Variants in XPO4 observed in about 807,000 individuals in gnomAD.
XPO4 encodes the protein exportin-4.
XPO4 carries 39 observed loss-of-function variants against 143.0 expected under a neutral mutation model. That is an observed-to-expected ratio of 0.27 (90% CI 0.21 to 0.36). XPO4 has a LOEUF of 0.36. XPO4 is among the 10% of genes least tolerant of loss of function. XPO4 has a pLI of 1.00. For missense variants in XPO4, 907 were observed against 1,348.0 expected, an observed-to-expected ratio of 0.67 and a Z score of 5.12; for synonymous variants, 439 against 474.0, an observed-to-expected ratio of 0.93 and a Z score of 0.96.
chr13:20,885,354 T>C (rs1454095607), intron 1 of XPO4, among the ~76,000 whole-genome samples: 1 of 152,180 alleles, frequency 6.6e-6, no homozygotes, highest in Non-Finnish European at 1.5e-5. Context: ...ATGTTTACTG[T>C]GGTCAATAAG....
intron 21 of XPO4, 133 bp downstream of exon 21, chr13:20,787,348 C>T: frequency 2.4e-6 from 2 of 832,294 alleles, no homozygotes; most frequent in Non-Finnish European, 3.8e-6. Flanking sequence ...CAGAAAAAAA[C>T]AGTGAACAGG....
intron 9 of XPO4, among the ~76,000 whole-genome samples, chr13:20,815,657 C>T (rs1051607249): frequency 1.3e-5 from 2 of 152,172 alleles, no homozygotes; most frequent in African/African-American, 4.8e-5. Flanking sequence ...AGATTATCTT[C>T]ATATGTAAAC....
chr13:20,799,227 C>G lies in XPO4; in HGVS notation c.2260G>C (p.Ala754Pro). 6.2e-7 allele frequency: 1 copy of G among 1,613,472 alleles called. No individual in the cohort carries two copies. The change falls in exon 16 of 23, where the codon GCT (alanine) becomes CCT (proline). Residue 754 changes from alanine to proline, a missense_variant. Coordinates refer to ENST00000255305, the MANE Select transcript of XPO4 (RefSeq NM_022459.5). ...SSPVQRTLMK[A>P]LVLGGFAHMD... ...TGTGCAAAACCTCCTAAGACTAGAG[C>G]CTTCATCAATGTCCTCTGCACAGGA...
chr13:20,794,845 A>G (rs1294943347), intron 18 of XPO4, among the ~76,000 whole-genome samples: 4 of 152,166 alleles, frequency 2.6e-5, no homozygotes, highest in African/African-American at 9.7e-5. Flanking sequence ...CAGACCAGAA[A>G]GAATTCACTG....
In XPO4 at chr13:20,783,332, C is replaced by T. The variant is rs568928550; in HGVS notation, c.*390G>A. On this transcript the variant is annotated 3_prime_UTR_variant, in exon 23 of 23. Coordinates refer to ENST00000255305, the MANE Select transcript of XPO4 (RefSeq NM_022459.5). ...CGATCTATGGAGATTTTGAGAAACA[C>T]TGCCTAGCATATATCCATTTCATAT... 47 of 194,754 alleles carry T rather than the reference C, an allele frequency of 2.4e-4. No individual in the cohort carries two copies. Among genetic ancestry groups the T allele is most frequent in the African/African-American group, 1.0e-3 (43 of 42,160 alleles). The allele number at this position is 194,754 out of a possible 1,614,324, so 12.1% of individuals were successfully genotyped here.
At chr13:20,844,590 C>T (rs957262808) in intron 4 of XPO4, among the ~76,000 whole-genome samples, 12 of 152,086 alleles carry the variant, frequency 7.9e-5, no homozygotes, top group African/African-American at 2.9e-4. Flanking sequence ...CTCTGAACAA[C>T]CGAAAGATTA....
intron 3 of XPO4, among the ~76,000 whole-genome samples, 180 bp from the exon 4 acceptor site, chr13:20,855,945 T>C (rs1434888813): frequency 6.6e-6 from 1 of 152,210 alleles, no homozygotes; most frequent in African/African-American, 2.4e-5. Context: ...GGCTCCATTG[T>C]GGACGGGCTG....
Position 20,868,804 on chromosome 13 carries a change from G to A in XPO4, c.70-103C>T. The A allele has an allele frequency of 4.9e-6, 5 of 1,020,842 alleles. No homozygotes were observed. In the South Asian group the frequency reaches 7.8e-5, roughly 16 times the overall value. 63.2% of individuals were successfully genotyped at this position (1,020,842 alleles called of 1,614,324 possible). A position where few individuals can be genotyped will look rare whatever the true frequency, so the allele number is the denominator to read the frequency against. ...AACAGAAAATGCCTTCACTTTTGGG[G>A]GGCAAGAGGAACAAATTCTTGCTTA... On this transcript the variant is annotated intron_variant, in intron 1 of 22. Coordinates refer to ENST00000255305, the MANE Select transcript of XPO4 (RefSeq NM_022459.5).
chr13:20,842,038 C>T (rs1296915747), intron 6 of XPO4, among the ~76,000 whole-genome samples: 1 of 152,072 alleles, frequency 6.6e-6, no homozygotes, highest in Non-Finnish European at 1.5e-5. Flanking sequence ...CTATTAAGAG[C>T]TCAATAAATA....
intron 9 of XPO4, among the ~76,000 whole-genome samples, chr13:20,819,414 C>T (rs893715550): frequency 6.6e-6 from 1 of 152,086 alleles, no homozygotes; most frequent in Non-Finnish European, 1.5e-5. Flanking sequence ...GTAATCCTAG[C>T]ACTTTGGGAG....
At chr13:20,848,380 C>G in intron 4 of XPO4, 1 of 985,348 alleles carries the variant, frequency 1.0e-6, no homozygotes, top group Non-Finnish European at 1.2e-6. Context: ...CCTTCATGTA[C>G]CTTGACCTCA....
rs117943678 is a variant in XPO4, at chr13:20,865,588, T to C, written c.176-2730A>G. 6,138 of 967,872 alleles carry C rather than the reference T, an allele frequency of 6.3e-3. 28 individuals carry two copies. The highest frequency in any genetic ancestry group is 7.0e-3 in the Non-Finnish European group (5,715 of 813,894). 60.0% of individuals were successfully genotyped at this position (967,872 alleles called of 1,614,324 possible). On this transcript the variant is annotated intron_variant, in intron 2 of 22. Coordinates refer to ENST00000255305, the MANE Select transcript of XPO4 (RefSeq NM_022459.5). ...TAATAATTATGTAAATAAAATTCAT[T>C]TGAATTTTGTCAGCCATCTGAAACT...
chr13:20,792,246 GA>G (rs1211255354), intron 18 of XPO4, among the ~76,000 whole-genome samples: 17 of 152,126 alleles, frequency 1.1e-4, no homozygotes, highest in African/African-American at 3.9e-4. Flanking sequence ...AGGAGTTCGA[GA>G]CCAGCCCGGC....
At chr13:20,868,373 A>G (rs2060262892) in intron 2 of XPO4, 1 of 540,822 alleles carries the variant, frequency 1.8e-6, no homozygotes, top group Admixed American at 4.3e-5. Context: ...ACAAATTATG[A>G]ACACTATATC....
intron 9 of XPO4, among the ~76,000 whole-genome samples, chr13:20,814,552 A>C (rs934799510): frequency 6.6e-6 from 1 of 152,248 alleles, no homozygotes; most frequent in Non-Finnish European, 1.5e-5. Flanking sequence ...TAAATCTTTC[A>C]GTCTAATCAC....
intron 4 of XPO4, chr13:20,851,520 G>A (rs1326902150): frequency 2.6e-5 from 20 of 761,792 alleles, no homozygotes; most frequent in Non-Finnish European, 2.7e-5. Context: ...ACCAGCTTGG[G>A]CAACATAGCA....
intron 1 of XPO4, among the ~76,000 whole-genome samples, chr13:20,881,460 C>T (rs949656523): frequency 3.3e-5 from 5 of 151,920 alleles, no homozygotes; most frequent in Admixed American, 6.6e-5. Context: ...TTAGTAGAGA[C>T]GGGGTTTCAC....
chr13:20,902,332 G>C, intron 1 of XPO4: 1 of 985,422 alleles, frequency 1.0e-6, no homozygotes, highest in Non-Finnish European at 1.2e-6. Flanking sequence ...AAGCCCTGCG[G>C]GGATAACCCC....
At chr13:20,868,839 G>T in intron 1 of XPO4, 138 bp from the exon 2 acceptor site, 1 of 703,134 alleles carries the variant, frequency 1.4e-6, no homozygotes, top group East Asian at 3.1e-5. Flanking sequence ...AACTTTTTAA[G>T]GAATTATAGT....
Sources: gnomAD v4.1 joint callset for allele counts (sites outside exome capture counted in the v4.1 genomes callset) on GRCh38, gnomAD v4.1.1 for gene constraint, MANE v1.5 for transcripts, NCBI Gene and HGNC (gene_info 2026-07-23, HGNC 2026-07-21) for gene names.